NRG3: variants seen among roughly 807,000 people sequenced by gnomAD.
NRG3 encodes the protein neuregulin 3.
NRG3 carries 31 observed loss-of-function variants against 66.9 expected under a neutral mutation model. The ratio of observed to expected loss-of-function variants is 0.46; its 90% CI spans 0.35 to 0.63. The LOEUF (loss-of-function observed/expected upper bound fraction) is 0.63. NRG3 is among the 20% of genes least tolerant of loss of function. The pLI is 0.00. For missense variants in NRG3, 910 were observed against 878.9 expected (o/e 1.04, Z -0.45); for synonymous variants, 393 against 359.4 (o/e 1.09, Z -1.06).
intron 2 of NRG3, among the ~76,000 whole-genome samples, chr10:82,646,158 G>A (rs1206942436): frequency 6.6e-6 from 1 of 152,086 alleles, no homozygotes; most frequent in Non-Finnish European, 1.5e-5. Flanking sequence ...CTAACCTCTT[G>A]GCCCTACAGC....
intron 6 of NRG3, among the ~76,000 whole-genome samples, chr10:82,961,282 G>C (rs1481967595): frequency 6.6e-6 from 1 of 152,042 alleles, no homozygotes; most frequent in African/African-American, 2.4e-5. Context: ...CCATATTGAT[G>C]GATTGGAAAA....
chr10:81,965,837 T>C (rs1370348608), intron 1 of NRG3, among the ~76,000 whole-genome samples: 1 of 152,118 alleles, frequency 6.6e-6, no homozygotes, highest in Non-Finnish European at 1.5e-5. Flanking sequence ...ATAAAGACAG[T>C]TTTGTTTCTT....
At chr10:82,744,044 T>C (rs2058541002) in intron 3 of NRG3, among the ~76,000 whole-genome samples, 1 of 152,146 alleles carries the variant, frequency 6.6e-6, no homozygotes, top group Admixed American at 6.5e-5. Context: ...TCTTTATCTG[T>C]AGAACAATTC....
At chr10:82,045,838 T>TGC in intron 1 of NRG3, among the ~76,000 whole-genome samples, 1 of 113,178 alleles carries the variant, frequency 8.8e-6, no homozygotes, top group African/African-American at 3.3e-5. Flanking sequence ...CTTTCCCCAT[T>TGC]TCTTGTTTTT....
intron 2 of NRG3, among the ~76,000 whole-genome samples, chr10:82,477,763 T>A (rs1841912047): frequency 6.6e-6 from 1 of 152,120 alleles, no homozygotes; most frequent in African/African-American, 2.4e-5. Flanking sequence ...TTAGGGAACA[T>A]AGAGGAATAA....
chr10:82,007,946 C>A (rs1284040569), intron 1 of NRG3, among the ~76,000 whole-genome samples: 1 of 108,544 alleles, frequency 9.2e-6, no homozygotes, highest in African/African-American at 2.9e-5. Flanking sequence ...TTCTCTACCT[C>A]TCTCAGAAAC....
intron 2 of NRG3, among the ~76,000 whole-genome samples, chr10:82,440,317 T>C (rs557457593): frequency 4.0e-5 from 6 of 151,840 alleles, no homozygotes; most frequent in Admixed American, 2.0e-4. Context: ...CATTTTTACT[T>C]CTCTCATTTA....
intron 1 of NRG3, among the ~76,000 whole-genome samples, chr10:82,281,732 A>T (rs575229611): frequency 6.6e-6 from 1 of 152,238 alleles, no homozygotes; most frequent in South Asian, 2.1e-4. Context: ...GAATCAAGGG[A>T]GGGCAGAGGA....
intron 7 of NRG3, among the ~76,000 whole-genome samples, chr10:82,975,590 T>C (rs1486948522): frequency 6.6e-6 from 1 of 152,330 alleles, no homozygotes; most frequent in East Asian, 1.9e-4. Flanking sequence ...TGGGCAAGCG[T>C]TGACTTACAA....
chr10:82,188,559 G>A (rs1232800148), intron 1 of NRG3, among the ~76,000 whole-genome samples: 2 of 152,016 alleles, frequency 1.3e-5, no homozygotes, highest in Admixed American at 6.6e-5. Flanking sequence ...CATCTGACAA[G>A]GAATCGATAA....
intron 1 of NRG3, among the ~76,000 whole-genome samples, chr10:82,246,466 G>A (rs1280910275): frequency 6.6e-6 from 1 of 152,122 alleles, no homozygotes; most frequent in East Asian, 1.9e-4. Context: ...AAACACGAAG[G>A]ATGAAAAAAT....
In NRG3 at chr10:82,973,947, AC is replaced by A. The variant is rs552866854; in HGVS notation, c.1412+34del. ...GTAGCTCATCATGGTGGGTGTGGGC[AC>A]CTTCACACTGTGTGTATGCTGGGTG... On this transcript the variant is annotated intron_variant, in intron 7 of 8. Coordinates refer to ENST00000372141, the MANE Select transcript of NRG3 (RefSeq NM_001010848.4). 1,073 of 1,612,718 alleles carry A rather than the reference AC, an allele frequency of 6.7e-4. 14 individuals carry two copies. The South Asian group carries it at 0.011, about 16-fold the overall frequency.
At chr10:82,029,688 C>T (rs1323919678) in intron 1 of NRG3, among the ~76,000 whole-genome samples, 1 of 152,096 alleles carries the variant, frequency 6.6e-6, no homozygotes, top group Non-Finnish European at 1.5e-5. Context: ...TTTTGATGGA[C>T]TTCATTGAGA....
chr10:82,829,678 G>T (rs1284765262), intron 3 of NRG3, among the ~76,000 whole-genome samples: 2 of 152,122 alleles, frequency 1.3e-5, no homozygotes, highest in African/African-American at 4.8e-5. Flanking sequence ...GGATTGATTT[G>T]AATATTTTGG....
intron 1 of NRG3, among the ~76,000 whole-genome samples, chr10:81,892,928 A>T (rs1290743248): frequency 2.0e-5 from 3 of 152,178 alleles, no homozygotes; most frequent in South Asian, 2.1e-4. Context: ...ATCTCATGTA[A>T]TCCATAAATA....
Position 82,974,283 on chromosome 10 carries a change from T to G in NRG3, c.1412+368T>G, listed in dbSNP as rs191166009. Among the ~76,000 whole-genome samples, 414 of 152,314 alleles carry G rather than the reference T, an allele frequency of 2.7e-3. 3 individuals carry two copies. Among genetic ancestry groups the G allele is most frequent in the Non-Finnish European group, 8.1e-4 (55 of 68,024 alleles). On this transcript the variant is annotated intron_variant, in intron 7 of 8. Coordinates refer to ENST00000372141, the MANE Select transcript of NRG3 (RefSeq NM_001010848.4). ...CCCTATGCAGCCTAATGTGACAGAC[T>G]TCAGGTTTTCCAATATGGTTCTTAC...
At chr10:82,153,816 A>T (rs541855372) in intron 1 of NRG3, among the ~76,000 whole-genome samples, 1 of 151,966 alleles carries the variant, frequency 6.6e-6, no homozygotes, top group African/African-American at 2.4e-5. Context: ...ACAATTAGAG[A>T]TGGTGAACTT....
At chr10:82,321,750 A>C (rs1369890332) in intron 1 of NRG3, among the ~76,000 whole-genome samples, 2 of 152,222 alleles carry the variant, frequency 1.3e-5, no homozygotes, top group Non-Finnish European at 2.9e-5. Flanking sequence ...CTATGGAGAT[A>C]ACATTTTGAA....
At chr10:82,475,637 T>C (rs1841703127) in intron 2 of NRG3, among the ~76,000 whole-genome samples, 1 of 152,122 alleles carries the variant, frequency 6.6e-6, no homozygotes, top group Non-Finnish European at 1.5e-5. Flanking sequence ...AATTGGATAT[T>C]CACATGCAAA....
Sources: gnomAD v4.1 joint callset for allele counts (sites outside exome capture counted in the v4.1 genomes callset) on GRCh38, gnomAD v4.1.1 for gene constraint, MANE v1.5 for transcripts, NCBI Gene and HGNC (gene_info 2026-07-23, HGNC 2026-07-21) for gene names.